Variants in ZNF701 observed in about 807,000 individuals in gnomAD.
The protein encoded by ZNF701 is zinc finger protein 701.
Under a neutral mutation model 7.1 loss-of-function variants are expected in ZNF701, and 6 were observed. That is an observed-to-expected ratio of 0.84 (90% CI 0.46 to 1.66). The LOEUF (loss-of-function observed/expected upper bound fraction) is 1.66, where lower values mean the gene tolerates loss of function less well. Among genes scored for constraint, ZNF701 ranks in the 40% most tolerant of loss-of-function variants. The pLI is 0.01. For missense variants in ZNF701, 541 were observed against 559.2 expected (o/e 0.97, Z 0.33); for synonymous variants, 166 against 188.2 (o/e 0.88, Z 0.97).
Position 52,583,905 on chromosome 19 carries a change from ATCAT to A in ZNF701, c.*453_*456del, listed in dbSNP as rs751711586. ...AATAAATGTGGCAAGTTTTTCAGAC[ATCAT>A]TCATAACTTGCAGTTCATTGGCGAT... On this transcript the variant is annotated 3_prime_UTR_variant, in exon 4 of 4. Coordinates refer to ENST00000391785, the MANE Select transcript of ZNF701 (RefSeq NM_018260.3). 6.2e-5 allele frequency: 26 copies of A among 417,220 alleles called. No individual in the cohort carries two copies. The highest frequency in any genetic ancestry group is 1.2e-4 in the Non-Finnish European group (25 of 210,384). 25.8% of individuals were successfully genotyped at this position (417,220 alleles called of 1,614,324 possible). A position where few individuals can be genotyped will look rare whatever the true frequency, so the allele number is the denominator to read the frequency against.
intron 2 of ZNF701, among the ~76,000 whole-genome samples, chr19:52,575,221 A>G (rs10164290): frequency 0.015 from 2,296 of 152,212 alleles, 61 homozygotes; most frequent in African/African-American, 0.052. Flanking sequence ...CACCCGCCTC[A>G]GCCCCCCAAA....
chr19:52,577,406 G>T (rs2059941955), intron 3 of ZNF701, among the ~76,000 whole-genome samples: 1 of 152,070 alleles, frequency 6.6e-6, no homozygotes, highest in African/African-American at 2.4e-5. Context: ...AGAGACTGAA[G>T]GCACAAAGTG....
At chr19:52,596,588 T>G in the ZNF701 span, 1 of 410,580 alleles carries the variant, frequency 2.4e-6, no homozygotes, top group South Asian at 1.9e-5. Context: ...TTGCACATCA[T>G]GGACTTCATA....
the ZNF701 span, chr19:52,597,080 C>G: frequency 5.1e-6 from 6 of 1,179,928 alleles, no homozygotes; most frequent in South Asian, 7.1e-5. Context: ...ATAATGAAGA[C>G]AGATCTTACA....
At chr19:52,580,701 A>G (rs1367582365) in intron 3 of ZNF701, among the ~76,000 whole-genome samples, 2 of 152,158 alleles carry the variant, frequency 1.3e-5, no homozygotes, top group Admixed American at 1.3e-4. Context: ...ACATGTACTT[A>G]TTATTTTCTG....
chr19:52,597,614 G>A, the ZNF701 span: 1 of 357,538 alleles, frequency 2.8e-6, no homozygotes, highest in South Asian at 2.2e-5. Context: ...GCCCAAGGCT[G>A]ATAGATCACA....
At chr19:52,587,594 T>C (rs1225828362), downstream of ZNF701, among the ~76,000 whole-genome samples, 1 of 152,206 alleles carries the variant, frequency 6.6e-6, no homozygotes, top group Non-Finnish European at 1.5e-5. Context: ...CTCTGGTCCA[T>C]GTTGCCTGTT....
chr19:52,577,941 A>T (rs764823868), intron 3 of ZNF701, among the ~76,000 whole-genome samples: 1 of 152,082 alleles, frequency 6.6e-6, no homozygotes, highest in African/African-American at 2.4e-5. Context: ...GAATAGTGAA[A>T]GTCTTTGATC....
At position 52,586,186 on chromosome 19, in the gene ZNF701, C is replaced by G. The variant is rs1392023737; in HGVS notation, c.*2729C>G. ...CCTGCAGAGTAGCTGGGACCACAGCCGCGCGCCACCACACCGCGCCAATTT... is the reference window on the plus strand; with the variant it reads ...CCTGCAGAGTAGCTGGGACCACAGCGGCGCGCCACCACACCGCGCCAATTT... On this transcript the variant is annotated 3_prime_UTR_variant, in exon 4 of 4. Coordinates refer to ENST00000391785, the MANE Select transcript of ZNF701 (RefSeq NM_018260.3). 1 of 152,064 alleles carries G rather than the reference C, an allele frequency of 6.6e-6. No individual in the cohort carries two copies. Among genetic ancestry groups the G allele is most frequent in the Admixed American group, 6.6e-5 (1 of 15,238 alleles). The allele number at this position is 152,064 out of a possible 1,614,324, so 9.4% of individuals were successfully genotyped here.
chr19:52,572,819 A>G (rs1325998149), intron 1 of ZNF701: 4 of 431,060 alleles, frequency 9.3e-6, no homozygotes, highest in Non-Finnish European at 1.9e-5. Flanking sequence ...CCCTCATCTC[A>G]TGACTCCCTC....
chr19:52,597,975 T>C, the ZNF701 span: 3 of 153,124 alleles, frequency 2.0e-5, no homozygotes, highest in Non-Finnish European at 2.9e-5. Context: ...TTTAGAGACT[T>C]GCTCTGTCGC....
rs34682718 is a variant in ZNF701, at chr19:52,579,520, CAAAAA to C, written c.143-2661_143-2657del. ...GGGCAACGAGAGCGAAACTCTGTCT[CAAAAA>C]AAAAAAAAAAAAAAAAAAAATCTTA... is the stretch of plus-strand genomic sequence containing the variant. On this transcript the variant is annotated intron_variant, in intron 3 of 3. Coordinates refer to ENST00000391785, the MANE Select transcript of ZNF701 (RefSeq NM_018260.3). Among the ~76,000 whole-genome samples the C allele has an allele frequency of 1.2e-3, 70 of 60,156 alleles. 2 individuals are homozygous for C. The Middle Eastern group carries it at 0.045, about 39-fold the overall frequency. 39.5% of individuals were successfully genotyped at this position (60,156 alleles called of 152,430 possible).
rs2060017647 is a variant in ZNF701 at position 52,587,167 on chromosome 19, A to G, written c.*3710A>G. 1 of 152,254 alleles carries G rather than the reference A, an allele frequency of 6.6e-6. No individual in the cohort carries two copies. The highest frequency in any genetic ancestry group is 2.4e-5 in the African/African-American group (1 of 41,470). 9.4% of individuals were successfully genotyped at this position (152,254 alleles called of 1,614,324 possible). On this transcript the variant is annotated 3_prime_UTR_variant, in exon 4 of 4. Coordinates refer to ENST00000391785, the MANE Select transcript of ZNF701 (RefSeq NM_018260.3). ...TTAAATATGGAAAATAAATTACATT[A>G]TTTGTAAGTGTTGTAATTTATAATG...
At chr19:52,574,662 A>G (rs1568500882) in intron 2 of ZNF701, among the ~76,000 whole-genome samples, 1 of 152,198 alleles carries the variant, frequency 6.6e-6, no homozygotes, top group Non-Finnish European at 1.5e-5. Flanking sequence ...AAAAAATTGT[A>G]CTAATTAGAA....
At chr19:52,575,070 C>T (rs531704678) in intron 2 of ZNF701, among the ~76,000 whole-genome samples, 1 of 152,114 alleles carries the variant, frequency 6.6e-6, no homozygotes, top group Non-Finnish European at 1.5e-5. Flanking sequence ...CCCAGGTTTA[C>T]ACCATTCTCC....
rs2060006255 is a variant in ZNF701 at position 52,585,667 on chromosome 19, G to A, written c.*2210G>A. 6.6e-6 allele frequency: 1 copy of A among 151,920 alleles called. No homozygotes were observed. The highest frequency in any genetic ancestry group is 1.5e-5 in the Non-Finnish European group (1 of 67,950). The allele number at this position is 151,920 out of a possible 1,614,324, so 9.4% of individuals were successfully genotyped here. A position where few individuals can be genotyped will look rare whatever the true frequency, so the allele number is the denominator to read the frequency against. ...GGTGGGCCCAAGCGAGCGTCTCCAG[G>A]GCCCCATTTACAAAGTTTTTGGAGG... On this transcript the variant is annotated 3_prime_UTR_variant, in exon 4 of 4. Coordinates refer to ENST00000391785, the MANE Select transcript of ZNF701 (RefSeq NM_018260.3).
At position 52,584,898 on chromosome 19, in the gene ZNF701, G is replaced by C. The variant is rs531175043; in HGVS notation, c.*1441G>C. 1 of 152,336 alleles carries C rather than the reference G, an allele frequency of 6.6e-6. No individual in the cohort carries two copies. Among genetic ancestry groups the C allele is most frequent in the African/African-American group, 2.4e-5 (1 of 41,574 alleles). The allele number at this position is 152,336 out of a possible 1,614,324, so 9.4% of individuals were successfully genotyped here. ...CACCTCCTCGGGGGTCTCCCCGCGGGTCTGGCTTCTGTACTGTGCTGATTG... is the reference window on the plus strand; with the variant it reads ...CACCTCCTCGGGGGTCTCCCCGCGGCTCTGGCTTCTGTACTGTGCTGATTG... On this transcript the variant is annotated 3_prime_UTR_variant, in exon 4 of 4. Transcript: ENST00000391785.
chr19:52,588,510 T>G, downstream of ZNF701: 1 of 267,856 alleles, frequency 3.7e-6, no homozygotes, highest in Non-Finnish European at 7.5e-6. Flanking sequence ...AAAAATTAAA[T>G]CTCATATTTT....
chr19:52,595,751 G>A, the ZNF701 span: 29 of 1,585,118 alleles, frequency 1.8e-5, no homozygotes, highest in South Asian at 3.1e-4. Context: ...AATCAAGAAA[G>A]ATATTCATCA....
Sources: allele counts gnomAD v4.1 joint callset (sites outside exome capture counted in the v4.1 genomes callset), GRCh38; gene constraint gnomAD v4.1.1; transcripts MANE v1.5; gene names NCBI Gene and HGNC (gene_info 2026-07-23, HGNC 2026-07-21).